RABGAP1L: variants seen among roughly 807,000 people sequenced by gnomAD.
RABGAP1L encodes RAB GTPase activating protein 1 like.
Under a neutral mutation model 137.7 loss-of-function variants are expected in RABGAP1L, and 63 were observed. The observed-to-expected ratio is 0.46, with a 90% CI of 0.37 to 0.56. The LOEUF is 0.56. Ranked by LOEUF, RABGAP1L falls within the 20% of genes least tolerant of loss-of-function variation. The pLI is 0.00. For synonymous variants in RABGAP1L, 431 were observed against 433.7 expected, an observed-to-expected ratio of 0.99 and a Z score of 0.08; for missense variants, 1,095 against 1,244.0, an observed-to-expected ratio of 0.88 and a Z score of 1.80.
chr1:174,347,967 CTA>C (rs1475023174), intron 11 of RABGAP1L, among the ~76,000 whole-genome samples: 3 of 152,040 alleles, frequency 2.0e-5, no homozygotes, highest in Non-Finnish European at 1.5e-5. Flanking sequence ...TTTAGCCACT[CTA>C]TGTGTTTTTA....
chr1:174,868,413 C>A (rs1651658169), intron 19 of RABGAP1L, among the ~76,000 whole-genome samples: 1 of 152,156 alleles, frequency 6.6e-6, no homozygotes, highest in Non-Finnish European at 1.5e-5. Context: ...TTCTCTCCCC[C>A]TTCCCCATTT....
chr1:174,411,776 A>G (rs985628160), intron 13 of RABGAP1L, among the ~76,000 whole-genome samples: 8 of 152,044 alleles, frequency 5.3e-5, no homozygotes, highest in African/African-American at 1.9e-4. Context: ...TTTAATTTCT[A>G]TGTAACTGTG....
chr1:174,647,403 A>G (rs1313075550), intron 14 of RABGAP1L, among the ~76,000 whole-genome samples: 2 of 152,092 alleles, frequency 1.3e-5, no homozygotes, highest in East Asian at 3.8e-4. Context: ...GTTTATTGAG[A>G]GTTTTTAGCA....
chr1:174,982,422 T>G (rs1671223212), intron 23 of RABGAP1L, among the ~76,000 whole-genome samples: 1 of 152,246 alleles, frequency 6.6e-6, no homozygotes, highest in African/African-American at 2.4e-5. Flanking sequence ...TGAAAACAGG[T>G]TCTTTCTGTG....
intron 19 of RABGAP1L, among the ~76,000 whole-genome samples, chr1:174,883,620 A>G (rs902736834): frequency 1.4e-4 from 21 of 152,344 alleles, no homozygotes; most frequent in African/African-American, 4.3e-4. Flanking sequence ...GGGAGTATAT[A>G]TAGGCCAAAC....
chr1:174,570,104 A>G (rs1426702637), intron 13 of RABGAP1L, among the ~76,000 whole-genome samples: 1 of 152,206 alleles, frequency 6.6e-6, no homozygotes, highest in Non-Finnish European at 1.5e-5. Context: ...AGCAATAACA[A>G]AAAGATGTTG....
At chr1:174,442,291 A>G (rs1213604816) in intron 13 of RABGAP1L, among the ~76,000 whole-genome samples, 3 of 152,110 alleles carry the variant, frequency 2.0e-5, no homozygotes, top group Admixed American at 6.6e-5. Context: ...TATCTCTGAA[A>G]GTCAAAATAT....
intron 14 of RABGAP1L, among the ~76,000 whole-genome samples, chr1:174,652,421 TC>T (rs1675594324): frequency 6.6e-6 from 1 of 152,222 alleles, no homozygotes; most frequent in Admixed American, 6.5e-5. Flanking sequence ...CGCTGGTTTT[TC>T]CTCATCTTCA....
chr1:174,848,635 G>T (rs1187710025), intron 19 of RABGAP1L, among the ~76,000 whole-genome samples: 1 of 143,986 alleles, frequency 6.9e-6, no homozygotes, highest in Non-Finnish European at 1.5e-5. Context: ...CTTCAAAGCT[G>T]TCAGACAGGG....
At chr1:174,531,791 G>A (rs1359300585) in intron 13 of RABGAP1L, among the ~76,000 whole-genome samples, 1 of 151,876 alleles carries the variant, frequency 6.6e-6, no homozygotes, top group Non-Finnish European at 1.5e-5. Flanking sequence ...TTGAGTAATT[G>A]TGGAACCCTA....
chr1:174,720,108 A>G (rs1681373285), intron 17 of RABGAP1L, among the ~76,000 whole-genome samples: 2 of 152,292 alleles, frequency 1.3e-5, no homozygotes, highest in Admixed American at 6.5e-5. Context: ...GTGTAAATCT[A>G]TAGATTAACA....
chr1:174,904,985 G>A (rs1289358392), intron 19 of RABGAP1L, among the ~76,000 whole-genome samples: 1 of 152,058 alleles, frequency 6.6e-6, no homozygotes, highest in Non-Finnish European at 1.5e-5. Context: ...CCTCTAGCCA[G>A]CCTTCTCACA....
At chr1:174,958,142 C>G (rs1429897234) in intron 20 of RABGAP1L, 1 of 1,483,294 alleles carries the variant, frequency 6.7e-7, no homozygotes, top group Non-Finnish European at 9.0e-7. Context: ...AAAATACCAA[C>G]TCACTTGGAA....
chr1:174,622,188 A>G (rs926127358), intron 13 of RABGAP1L, among the ~76,000 whole-genome samples: 37 of 152,234 alleles, frequency 2.4e-4, no homozygotes, highest in Non-Finnish European at 5.1e-4. Flanking sequence ...GGTGATCATT[A>G]AAAAGTCAGG....
intron 17 of RABGAP1L, among the ~76,000 whole-genome samples, chr1:174,727,942 G>A (rs1682130240): frequency 6.6e-6 from 1 of 152,134 alleles, no homozygotes; most frequent in South Asian, 2.1e-4. Flanking sequence ...GGAATCCAGA[G>A]TCTGTCTCCA....
chr1:174,708,454 C>T (rs1680218424), intron 17 of RABGAP1L, among the ~76,000 whole-genome samples: 1 of 152,148 alleles, frequency 6.6e-6, no homozygotes, highest in Non-Finnish European at 1.5e-5. Flanking sequence ...CGGTTCATCT[C>T]ACTGGGACTG....
chr1:174,625,899 G>T (rs1380603537), intron 13 of RABGAP1L, among the ~76,000 whole-genome samples: 2 of 152,032 alleles, frequency 1.3e-5, no homozygotes, highest in African/African-American at 4.8e-5. Context: ...TTTATACAGT[G>T]GATAATAAAC....
At chr1:174,416,037 C>CATACACATATACAT (rs1553297986) in intron 13 of RABGAP1L, among the ~76,000 whole-genome samples, 2 of 126,268 alleles carry the variant, frequency 1.6e-5, no homozygotes, top group African/African-American at 7.3e-5. Context: ...TATATATATA[C>CATACACATATACAT]ACACACATTT....
chr1:174,194,529 C>T lies in RABGAP1L; in HGVS notation c.-33-24596C>T, dbSNP rs117664786. On this transcript the variant is annotated intron_variant, in intron 1 of 25. Transcript: ENST00000681986. ...GATTATAGGCATGAGCCACCGTGCC[C>T]GGCCGGCTTCAGTTAATTCTAAAGC... Among the ~76,000 whole-genome samples, 65 of 152,168 alleles carry T rather than the reference C, an allele frequency of 4.3e-4. No individual in the cohort carries two copies. The East Asian group carries it at 6.6e-3, about 15-fold the overall frequency.
Sources: allele counts gnomAD v4.1 joint callset (sites outside exome capture counted in the v4.1 genomes callset), GRCh38; gene constraint gnomAD v4.1.1; transcripts MANE v1.5; gene names NCBI Gene and HGNC (gene_info 2026-07-23, HGNC 2026-07-21).